The following FOXP2 variants were observed in gnomAD, a reference collection of about 807,000 sequenced individuals.
FOXP2 encodes the protein forkhead box P2.
FOXP2 carries 12 observed loss-of-function variants against 115.8 expected under a neutral mutation model. That is an observed-to-expected ratio of 0.10 (90% CI 0.07 to 0.17). The LOEUF (loss-of-function observed/expected upper bound fraction) is 0.17, where lower values mean the gene tolerates loss of function less well. Among genes scored for constraint, FOXP2 ranks in the 10% least tolerant of loss-of-function variants. FOXP2 has a pLI of 1.00. For missense variants in FOXP2, 629 were observed against 843.5 expected (o/e 0.75, Z 3.15); for synonymous variants, 328 against 297.7 (o/e 1.10, Z -1.05).
intron 2 of FOXP2, among the ~76,000 whole-genome samples, chr7:114,437,299 A>G (rs1238620495): frequency 6.6e-6 from 1 of 152,212 alleles, no homozygotes; most frequent in Non-Finnish European, 1.5e-5. Context: ...TGGCACTAAA[A>G]TATACCTTTG....
intron 1 of FOXP2, among the ~76,000 whole-genome samples, chr7:114,250,261 G>A (rs10429104): frequency 6.6e-6 from 1 of 151,908 alleles, no homozygotes; most frequent in South Asian, 2.1e-4. Flanking sequence ...AACATACGTG[G>A]GCATGTGTCT....
rs1045899271 is a variant in FOXP2 at position 114,436,015 on chromosome 7, C to T, written c.168+9336C>T. Among the ~76,000 whole-genome samples, 19 of 152,016 alleles carry T rather than the reference C, an allele frequency of 1.2e-4. No individual in the cohort carries two copies. In the East Asian group the frequency reaches 2.7e-3, roughly 22 times the overall value. ...AATTCAAGGTGCAAACTCAATAATA[C>T]GTGTATTTCATGTACTGTGAAGCAT... On this transcript the variant is annotated intron_variant, in intron 2 of 16. Coordinates refer to ENST00000350908, the MANE Select transcript of FOXP2 (RefSeq NM_014491.4).
At chr7:114,134,364 A>AT (rs1435331799) in intron 1 of FOXP2, among the ~76,000 whole-genome samples, 2 of 152,122 alleles carry the variant, frequency 1.3e-5, no homozygotes, top group Non-Finnish European at 2.9e-5. Context: ...ATTTTCATGG[A>AT]TTTTTTGAAT....
intron 2 of FOXP2, among the ~76,000 whole-genome samples, chr7:114,533,948 C>T (rs1799256679): frequency 6.6e-6 from 1 of 151,806 alleles, no homozygotes; most frequent in South Asian, 2.1e-4. Flanking sequence ...ATGAAAACAT[C>T]TTCTATTTTG....
intron 8 of FOXP2, chr7:114,645,213 A>G (rs1175507696): frequency 1.7e-5 from 2 of 116,776 alleles, no homozygotes; most frequent in Non-Finnish European, 3.5e-5. Context: ...TCGTTTTTTA[A>G]TTACAGGCTT....
intron 2 of FOXP2, among the ~76,000 whole-genome samples, chr7:114,330,603 G>T (rs2129182855): frequency 6.6e-6 from 1 of 151,478 alleles, no homozygotes; most frequent in Non-Finnish European, 1.5e-5. Context: ...TGTCTTGCCA[G>T]AATAGTAGAA....
chr7:114,217,333 G>T (rs553712338), intron 1 of FOXP2, among the ~76,000 whole-genome samples: 18 of 152,174 alleles, frequency 1.2e-4, no homozygotes, highest in African/African-American at 4.3e-4. Flanking sequence ...TTAACTTCTC[G>T]GTTTAAATTA....
At chr7:114,358,693 T>G (rs987140712) in intron 2 of FOXP2, among the ~76,000 whole-genome samples, 1 of 152,144 alleles carries the variant, frequency 6.6e-6, no homozygotes, top group Non-Finnish European at 1.5e-5. Context: ...ATTTTGCCCC[T>G]GCCCTAGAGA....
At chr7:114,195,648 AT>A (rs982536726) in intron 1 of FOXP2, among the ~76,000 whole-genome samples, 8 of 151,782 alleles carry the variant, frequency 5.3e-5, no homozygotes, top group African/African-American at 1.9e-4. Flanking sequence ...AAATTCATAT[AT>A]TTTTTTCTGA....
intron 13 of FOXP2, among the ~76,000 whole-genome samples, chr7:114,661,045 G>A (rs1806832801): frequency 7.7e-6 from 1 of 130,006 alleles, no homozygotes. Flanking sequence ...TGCTAGATCT[G>A]CTTATGCTTT....
chr7:114,338,603 G>A (rs1791112464), intron 2 of FOXP2, among the ~76,000 whole-genome samples: 1 of 150,836 alleles, frequency 6.6e-6, no homozygotes, highest in African/African-American at 2.4e-5. Flanking sequence ...CTTTTACTCT[G>A]TCATACATAA....
chr7:114,460,843 C>T (rs1023542055), intron 2 of FOXP2, among the ~76,000 whole-genome samples: 3 of 152,184 alleles, frequency 2.0e-5, no homozygotes, highest in Non-Finnish European at 2.9e-5. Context: ...CTAGAATCTT[C>T]ATGGGAGGAA....
chr7:114,687,674 T>C (rs757271909), intron 16 of FOXP2, among the ~76,000 whole-genome samples: 5 of 152,190 alleles, frequency 3.3e-5, no homozygotes, highest in Non-Finnish European at 4.4e-5. Context: ...TCTTTAATAT[T>C]TTTAAGTACA....
At chr7:114,633,409 T>TA (rs1347105079) in intron 6 of FOXP2, among the ~76,000 whole-genome samples, 4 of 152,110 alleles carry the variant, frequency 2.6e-5, no homozygotes, top group African/African-American at 9.7e-5. Context: ...ATATGAGAGA[T>TA]AAAATGAGAA....
chr7:114,348,384 C>T (rs1791398317), intron 2 of FOXP2, among the ~76,000 whole-genome samples: 1 of 151,976 alleles, frequency 6.6e-6, no homozygotes, highest in African/African-American at 2.4e-5. Flanking sequence ...CTATGCTTCT[C>T]TTCTTCAAGG....
At chr7:114,577,058 T>C (rs1255530989) in intron 3 of FOXP2, among the ~76,000 whole-genome samples, 1 of 150,192 alleles carries the variant, frequency 6.7e-6, no homozygotes, top group African/African-American at 2.4e-5. Flanking sequence ...AAGTTACATG[T>C]TTTAGATTTG....
intron 2 of FOXP2, among the ~76,000 whole-genome samples, chr7:114,437,539 A>G (rs778987649): frequency 7.2e-5 from 11 of 152,176 alleles, no homozygotes; most frequent in Admixed American, 1.3e-4. Context: ...ATAAGAATAA[A>G]CCCTGTTTCA....
At chr7:114,544,106 T>G (rs952252639) in intron 3 of FOXP2, among the ~76,000 whole-genome samples, 6 of 152,126 alleles carry the variant, frequency 3.9e-5, no homozygotes, top group Admixed American at 3.9e-4. Flanking sequence ...TTCTTCTGCC[T>G]CAGCCTCCCA....
At chr7:114,483,517 C>G (rs1796643779) in intron 2 of FOXP2, among the ~76,000 whole-genome samples, 1 of 151,642 alleles carries the variant, frequency 6.6e-6, no homozygotes, top group South Asian at 2.1e-4. Flanking sequence ...CAGGTATTCT[C>G]TCTCTTCATT....
Sources: gnomAD v4.1 joint callset for allele counts (sites outside exome capture counted in the v4.1 genomes callset) on GRCh38, gnomAD v4.1.1 for gene constraint, MANE v1.5 for transcripts, NCBI Gene and HGNC (gene_info 2026-07-23, HGNC 2026-07-21) for gene names.